Variants in KRTAP3-2 observed in about 807,000 individuals in gnomAD.
KRTAP3-2 encodes keratin-associated protein 3-2.
A neutral mutation model predicts 5.4 loss-of-function variants in KRTAP3-2; 2 were observed. The ratio of observed to expected loss-of-function variants is 0.37; its 90% CI spans 0.15 to 1.17. The LOEUF is 1.17. Ranked by LOEUF, KRTAP3-2 falls within the 50% of genes most tolerant of loss-of-function variation. The pLI, the probability that KRTAP3-2 is intolerant of heterozygous loss-of-function variation, is 0.37. For missense variants in KRTAP3-2, 113 were observed against 122.0 expected (o/e 0.93, Z 0.35); for synonymous variants, 49 against 48.0 (o/e 1.02, Z -0.08).
Position 40,999,661 on chromosome 17 carries a change from A to C in KRTAP3-2, c.193T>G (p.Cys65Gly), listed in dbSNP as rs758554720. The stretch of plus-strand genomic sequence containing the variant: ...GGCTGGCAGGAGTTGAGCAGGAAGC[A>C]GGTGGGCACGCAGGGCTGAGGAATG... ...CHIPQPCVPT[C>G]FLLNSCQPTP... Residue 65 changes from cysteine (C) to glycine (G), a missense_variant, in exon 1 of 1, where the codon TGC becomes GGC. Transcript: ENST00000391587. 6.2e-7 allele frequency: 1 copy of C among 1,613,870 alleles called. No homozygotes were observed. Among genetic ancestry groups the C allele is most frequent in the South Asian group, 1.1e-5 (1 of 91,088 alleles).
In KRTAP3-2 at chr17:40,999,634, T is replaced by G. The variant is rs138839953; in HGVS notation, c.220A>C (p.Thr74Pro). 2.7e-5 allele frequency: 43 copies of G among 1,613,530 alleles called. No homozygotes were observed. Among genetic ancestry groups the G allele is most frequent in the Non-Finnish European group, 3.4e-5 (40 of 1,179,888 alleles). The change falls in exon 1 of 1, where the codon ACT becomes CCT. Residue 74 changes from threonine to proline, a missense_variant. By Grantham distance (38) the Thr-to-Pro change is conservative. Coordinates refer to ENST00000391587, the MANE Select transcript of KRTAP3-2 (RefSeq NM_031959.3). ...TCFLLNSCQP[T>P]PGLETLNLTT... ...AGGTTGAGGGTCTCCAGGCCCGGAG[T>G]TGGCTGGCAGGAGTTGAGCAGGAAG... is the stretch of plus-strand genomic sequence containing the variant.
Position 40,999,277 on chromosome 17 carries a change from A to G in KRTAP3-2, c.*280T>C. 2.4e-6 allele frequency: 1 copy of G among 423,698 alleles called. No individual in the cohort carries two copies. The highest frequency in any genetic ancestry group is 6.8e-5 in the South Asian group (1 of 14,644). 26.2% of individuals were successfully genotyped at this position (423,698 alleles called of 1,614,324 possible). ...CCCAGTACAAGAAACAAGAGCCAGG[A>G]AGCAATATGATCAAGAACATGTAAT... On this transcript the variant is annotated 3_prime_UTR_variant, in exon 1 of 1. Coordinates refer to ENST00000391587, the MANE Select transcript of KRTAP3-2 (RefSeq NM_031959.3).
rs908030075 is a variant in KRTAP3-2, at chr17:40,999,283, T to C, written c.*274A>G. ...ACAAGAAACAAGAGCCAGGAAGCAA[T>C]ATGATCAAGAACATGTAATCTGAGG... On this transcript the variant is annotated 3_prime_UTR_variant, in exon 1 of 1. Transcript: ENST00000391587. The C allele has an allele frequency of 1.6e-5, 7 of 438,160 alleles. No homozygotes were observed. Among genetic ancestry groups the C allele is most frequent in the East Asian group, 3.5e-5 (1 of 28,292 alleles). The allele number at this position is 438,160 out of a possible 1,614,324, so 27.1% of individuals were successfully genotyped here.
chr17:40,999,302 T>C lies in KRTAP3-2; in HGVS notation c.*255A>G. 1 of 531,842 alleles carries C rather than the reference T, an allele frequency of 1.9e-6. No individual in the cohort carries two copies. Among genetic ancestry groups the C allele is most frequent in the Non-Finnish European group, 3.3e-6 (1 of 307,648 alleles). 32.9% of individuals were successfully genotyped at this position (531,842 alleles called of 1,614,324 possible). A position where few individuals can be genotyped will look rare whatever the true frequency, so the allele number is the denominator to read the frequency against. ...AAGCAATATGATCAAGAACATGTAA[T>C]CTGAGGTCTTAAAGATTGAAACAGT... On this transcript the variant is annotated 3_prime_UTR_variant, in exon 1 of 1. Coordinates refer to ENST00000391587, the MANE Select transcript of KRTAP3-2 (RefSeq NM_031959.3).
Position 40,999,552 on chromosome 17 carries a change from A to G in KRTAP3-2, c.*5T>C. 6.2e-7 allele frequency: 1 copy of G among 1,613,302 alleles called. No individual in the cohort carries two copies. Among genetic ancestry groups the G allele is most frequent in the South Asian group, 1.1e-5 (1 of 91,038 alleles). ...TTGTCGGGCACTGAGCAAAGTAGCCATCCATCAGCAGCCTCTTGGGAGGCA... is the reference window on the plus strand; with the variant it reads ...TTGTCGGGCACTGAGCAAAGTAGCCGTCCATCAGCAGCCTCTTGGGAGGCA... On this transcript the variant is annotated 3_prime_UTR_variant, in exon 1 of 1. Transcript: ENST00000391587.
Position 40,999,693 on chromosome 17 carries a change from G to A in KRTAP3-2, c.161C>T (p.Pro54Leu). The A allele has an allele frequency of 6.2e-7, 1 of 1,614,078 alleles. No homozygotes were observed. The highest frequency in any genetic ancestry group is 8.5e-7 in the Non-Finnish European group (1 of 1,180,014). The change falls in exon 1 of 1, where the codon CCC (proline) becomes CTC (leucine). Residue 54 changes from proline (P) to leucine (L), a missense_variant. Coordinates refer to ENST00000391587, the MANE Select transcript of KRTAP3-2 (RefSeq NM_031959.3). ...EPICCDNCPPPCHIPQPCVPT... is the reference protein window; with the variant it reads ...EPICCDNCPPLCHIPQPCVPT... ...CACGCAGGGCTGAGGAATGTGGCAG[G>A]GTGGGGGACAGTTGTCACAGCAGAT...
chr17:40,999,406 C>CT lies in KRTAP3-2; in HGVS notation c.*150dup. The CT allele has an allele frequency of 1.7e-6, 2 of 1,185,632 alleles. No individual in the cohort carries two copies. The highest frequency in any genetic ancestry group is 1.2e-6 in the Non-Finnish European group (1 of 860,688). The allele number at this position is 1,185,632 out of a possible 1,614,324, so 73.4% of individuals were successfully genotyped here. A position where few individuals can be genotyped will look rare whatever the true frequency, so the allele number is the denominator to read the frequency against. On this transcript the variant is annotated 3_prime_UTR_variant, in exon 1 of 1. Transcript: ENST00000391587. ...CTAAATAACCATAAAAAATACTTTT[C>CT]TTTTTTTCCCCCATTAAAACCAAAG...
Position 40,999,657 on chromosome 17 carries a change from A to C in KRTAP3-2, c.197T>G (p.Phe66Cys). Residue 66 changes from phenylalanine (F) to cysteine (C), a missense_variant, in exon 1 of 1, where the codon TTC (phenylalanine) becomes TGC (cysteine). Physicochemically the swap from Phe to Cys is radical, Grantham distance 205. Transcript: ENST00000391587. ...HIPQPCVPTC[F>C]LLNSCQPTPG... ...AGTTGGCTGGCAGGAGTTGAGCAGG[A>C]AGCAGGTGGGCACGCAGGGCTGAGG... 1.2e-6 allele frequency: 2 copies of C among 1,613,984 alleles called. No individual in the cohort carries two copies. The highest frequency in any genetic ancestry group is 1.7e-6 in the Non-Finnish European group (2 of 1,179,952).
Position 40,999,716 on chromosome 17 carries a change from G to A in KRTAP3-2, c.138C>T (p.Ile46=). The A allele has an allele frequency of 6.2e-7, 1 of 1,614,060 alleles. No homozygotes were observed. The highest frequency in any genetic ancestry group is 8.5e-7 in the Non-Finnish European group (1 of 1,180,032). The change falls in exon 1 of 1, where the codon ATC becomes ATT. Residue 46 remains isoleucine (I), a synonymous_variant. Coordinates refer to ENST00000391587, the MANE Select transcript of KRTAP3-2 (RefSeq NM_031959.3). Reference sequence around the variant, plus strand: ...AGGGTGGGGGACAGTTGTCACAGCAGATGGGCTCCAGTAACCAAACTGTGT... The same window carrying A: ...AGGGTGGGGGACAGTTGTCACAGCAAATGGGCTCCAGTAACCAAACTGTGT... ...CPHTVWLLEP[I]CCDNCPPPCH... is the part of the protein sequence containing the mutation.
Position 40,999,398 on chromosome 17 carries a change from ATACT to A in KRTAP3-2, c.*155_*158del. The A allele has an allele frequency of 8.8e-7, 1 of 1,135,316 alleles. No individual in the cohort carries two copies. Among genetic ancestry groups the A allele is most frequent in the South Asian group, 1.8e-5 (1 of 57,116 alleles). The allele number at this position is 1,135,316 out of a possible 1,614,324, so 70.3% of individuals were successfully genotyped here. On this transcript the variant is annotated 3_prime_UTR_variant, in exon 1 of 1. Transcript: ENST00000391587. ...TTTTTCAGCTAAATAACCATAAAAAATACTTTTCTTTTTTTCCCCCATTAAAACC... is the reference window on the plus strand; with the variant it reads ...TTTTTCAGCTAAATAACCATAAAAAATTTCTTTTTTTCCCCCATTAAAACC...
In KRTAP3-2 at chr17:40,999,430, AG is replaced by A. The variant is rs2011751507; in HGVS notation, c.*126del. On this transcript the variant is annotated 3_prime_UTR_variant, in exon 1 of 1. Transcript: ENST00000391587. Reference sequence around the variant, plus strand: ...TCTTTTTTTCCCCCATTAAAACCAAAGGTAAGTTCTTCATATCTGGGTCATC... The same window carrying A: ...TCTTTTTTTCCCCCATTAAAACCAAAGTAAGTTCTTCATATCTGGGTCATC... 7.4e-7 allele frequency: 1 copy of A among 1,355,010 alleles called. No individual in the cohort carries two copies. The allele number at this position is 1,355,010 out of a possible 1,614,324, so 83.9% of individuals were successfully genotyped here.
rs564928625 is a variant in KRTAP3-2 at position 40,999,785 on chromosome 17, G to A, written c.69C>T (p.Asp23=). 6.9e-5 allele frequency: 112 copies of A among 1,614,128 alleles called. 5 individuals are homozygous for A. In the South Asian group the frequency reaches 1.2e-3, roughly 17 times the overall value. The stretch of plus-strand genomic sequence containing the variant: ...GGCAGACTCCACAGCGGCAGGATTT[G>A]TCGGAGGAGCAGATGGTGGTGGCAG... ...TGPATTICSS[D]KSCRCGVCLP... is the part of the protein sequence containing the mutation. The change falls in exon 1 of 1, where the codon GAC becomes GAT. Residue 23 remains aspartate, a synonymous_variant. Coordinates refer to ENST00000391587, the MANE Select transcript of KRTAP3-2 (RefSeq NM_031959.3).
Position 40,999,342 on chromosome 17 carries a change from A to G in KRTAP3-2, c.*215T>C, listed in dbSNP as rs548259353. 1.5e-5 allele frequency: 10 copies of G among 665,732 alleles called. No homozygotes were observed. The East Asian group carries it at 2.8e-4, about 18-fold the overall frequency. 41.2% of individuals were successfully genotyped at this position (665,732 alleles called of 1,614,324 possible). A position where few individuals can be genotyped will look rare whatever the true frequency, so the allele number is the denominator to read the frequency against. On this transcript the variant is annotated 3_prime_UTR_variant, in exon 1 of 1. Transcript: ENST00000391587. Reference sequence around the variant, plus strand: ...ATTGAAACAGTATTTTGCTAATAAAACTCATTCACCTGCCCACAGGAACCA... The same window carrying G: ...ATTGAAACAGTATTTTGCTAATAAAGCTCATTCACCTGCCCACAGGAACCA...
In KRTAP3-2 at chr17:40,999,777, C is replaced by T; in HGVS notation, c.77G>A (p.Cys26Tyr). 1 of 1,614,032 alleles carries T rather than the reference C, an allele frequency of 6.2e-7. No homozygotes were observed. Among genetic ancestry groups the T allele is most frequent in the Non-Finnish European group, 8.5e-7 (1 of 1,179,956 alleles). Residue 26 changes from cysteine (C) to tyrosine (Y), a missense_variant, in exon 1 of 1, where the codon TGC (cysteine) becomes TAC (tyrosine). Transcript: ENST00000391587. ...ATTICSSDKS[C>Y]RCGVCLPSTC... The stretch of plus-strand genomic sequence containing the variant: ...GCTGGGCAGGCAGACTCCACAGCGG[C>T]AGGATTTGTCGGAGGAGCAGATGGT...
chr17:40,999,728 T>G lies in KRTAP3-2; in HGVS notation c.126A>C (p.Leu42Phe), dbSNP rs780666551. Residue 42 changes from leucine (L) to phenylalanine (F), a missense_variant, in exon 1 of 1, where the codon TTA becomes TTC. Leu to Phe is a conservative substitution (Grantham distance 22, BLOSUM62 0). Coordinates refer to ENST00000391587, the MANE Select transcript of KRTAP3-2 (RefSeq NM_031959.3). Reference protein sequence around the residue: ...LPSTCPHTVWLLEPICCDNCP... With the variant: ...LPSTCPHTVWFLEPICCDNCP... ...AGTTGTCACAGCAGATGGGCTCCAG[T>G]AACCAAACTGTGTGTGGGCAGGTGC... 62 of 1,613,908 alleles carry G rather than the reference T, an allele frequency of 3.8e-5. No individual in the cohort carries two copies. The highest frequency in any genetic ancestry group is 5.1e-5 in the Non-Finnish European group (60 of 1,180,020).
Position 40,999,473 on chromosome 17 carries a change from C to T in KRTAP3-2, c.*84G>A, listed in dbSNP as rs2143719369. On this transcript the variant is annotated 3_prime_UTR_variant, in exon 1 of 1. Coordinates refer to ENST00000391587, the MANE Select transcript of KRTAP3-2 (RefSeq NM_031959.3). Reference sequence around the variant, plus strand: ...TGGGTCATCTGGTCTACCTTAACATCTGGCAAACTACTGAGGCAAGTGAAT... The same window carrying T: ...TGGGTCATCTGGTCTACCTTAACATTTGGCAAACTACTGAGGCAAGTGAAT... The T allele has an allele frequency of 4.5e-6, 7 of 1,553,768 alleles. No homozygotes were observed. The South Asian group carries it at 8.6e-5, about 19-fold the overall frequency.
rs2011747526 is a variant in KRTAP3-2, at chr17:40,999,259, C to T, written c.*298G>A. On this transcript the variant is annotated 3_prime_UTR_variant, in exon 1 of 1. Coordinates refer to ENST00000391587, the MANE Select transcript of KRTAP3-2 (RefSeq NM_031959.3). ...TTTTCTTCTATGAAAATACCCAGTA[C>T]AAGAAACAAGAGCCAGGAAGCAATA... The T allele has an allele frequency of 2.7e-6, 1 of 376,620 alleles. No homozygotes were observed. The highest frequency in any genetic ancestry group is 4.7e-6 in the Non-Finnish European group (1 of 213,216). The allele number at this position is 376,620 out of a possible 1,614,324, so 23.3% of individuals were successfully genotyped here. A position where few individuals can be genotyped will look rare whatever the true frequency, so the allele number is the denominator to read the frequency against.
chr17:40,999,692 G>A lies in KRTAP3-2; in HGVS notation c.162C>T (p.Pro54=), dbSNP rs779834292. ...EPICCDNCPP[P]CHIPQPCVPT... ...GCACGCAGGGCTGAGGAATGTGGCA[G>A]GGTGGGGGACAGTTGTCACAGCAGA... Residue 54 remains proline (P), a synonymous_variant, in exon 1 of 1, where the codon CCC becomes CCT. Transcript: ENST00000391587. 4 of 1,613,944 alleles carry A rather than the reference G, an allele frequency of 2.5e-6. No homozygotes were observed. Among genetic ancestry groups the A allele is most frequent in the Admixed American group, 1.7e-5 (1 of 59,990 alleles).
chr17:40,999,612 T>C lies in KRTAP3-2; in HGVS notation c.242A>G (p.Asn81Ser). 1.2e-6 allele frequency: 2 copies of C among 1,613,324 alleles called. No homozygotes were observed. Among genetic ancestry groups the C allele is most frequent in the Non-Finnish European group, 1.7e-6 (2 of 1,179,818 alleles). The change falls in exon 1 of 1, where the codon AAC (asparagine) becomes AGC (serine). Residue 81 changes from asparagine (N) to serine (S), a missense_variant. Asn to Ser is a conservative substitution (Grantham distance 46). Coordinates refer to ENST00000391587, the MANE Select transcript of KRTAP3-2 (RefSeq NM_031959.3). ...GCAGGGCTGAGTGAAGGTGGTGAGG[T>C]TGAGGGTCTCCAGGCCCGGAGTTGG... ...CQPTPGLETL[N>S]LTTFTQPCCE...
Sources: gnomAD v4.1 joint callset for allele counts on GRCh38, gnomAD v4.1.1 for gene constraint, MANE v1.5 for transcripts, NCBI Gene and HGNC (gene_info 2026-07-23, HGNC 2026-07-21) for gene names.